DLGAP2: variants seen among roughly 807,000 people sequenced by gnomAD.
DLGAP2 encodes the protein DLG associated protein 2, also known as disks large-associated protein 2.
A neutral mutation model predicts 100.3 loss-of-function variants in DLGAP2; 26 were observed. That is an observed-to-expected ratio of 0.26 (90% confidence interval 0.19 to 0.36). DLGAP2 has a LOEUF of 0.36. Ranked by LOEUF, DLGAP2 falls within the 10% of genes least tolerant of loss-of-function variation. DLGAP2 has a pLI of 1.00. For missense variants in DLGAP2, 1,858 were observed against 1,453.2 expected, an observed-to-expected ratio of 1.28 and a Z score of -4.53; for synonymous variants, 886 against 630.1, an observed-to-expected ratio of 1.41 and a Z score of -6.08.
At chr8:937,162 C>T (rs552895220) in intron 2 of DLGAP2, among the ~76,000 whole-genome samples, 20 of 152,190 alleles carry the variant, frequency 1.3e-4, no homozygotes, top group Admixed American at 2.0e-4. Flanking sequence ...GCTCGCCTGA[C>T]GAGGTGCTGC....
chr8:1,301,649 T>G (rs1290333011), intron 3 of DLGAP2: 1 of 152,256 alleles, frequency 6.6e-6, no homozygotes, highest in Non-Finnish European at 1.5e-5. Flanking sequence ...GGGCCCAACA[T>G]AAGCTTCACG....
chr8:770,702 G>A (rs1324504191), intron 1 of DLGAP2, among the ~76,000 whole-genome samples: 6 of 152,270 alleles, frequency 3.9e-5, no homozygotes, highest in South Asian at 2.1e-4. Context: ...TGATTGCTGG[G>A]CCGGCTGTGG....
intron 6 of DLGAP2, among the ~76,000 whole-genome samples, chr8:1,576,786 A>G (rs1406736709): frequency 6.6e-6 from 1 of 152,100 alleles, no homozygotes; most frequent in Non-Finnish European, 1.5e-5. Context: ...GATGTGTGGT[A>G]TTATTTCTGA....
chr8:1,549,578 G>T lies in DLGAP2; in HGVS notation c.1125G>T (p.Thr375=), dbSNP rs750514879. 1 of 1,612,282 alleles carries T rather than the reference G, an allele frequency of 6.2e-7. No individual in the cohort carries two copies. The highest frequency in any genetic ancestry group is 1.1e-5 in the South Asian group (1 of 90,986). ...AGCGCAGCTCCTGGTCTACGCTGAC[G>T]GTCAGCCAGGCCAAGGAGGCCTACC... is the stretch of plus-strand genomic sequence containing the variant. The part of the protein sequence containing the change: ...YLKRSSWSTL[T]VSQAKEAYRK... The change falls in exon 5 of 15, where the codon ACG becomes ACT. Residue 375 remains threonine, a synonymous_variant. Coordinates refer to ENST00000637795, the MANE Select transcript of DLGAP2 (RefSeq NM_001346810.2).
intron 1 of DLGAP2, among the ~76,000 whole-genome samples, chr8:867,696 C>G (rs1327496032): frequency 1.3e-5 from 2 of 152,156 alleles, no homozygotes; most frequent in Non-Finnish European, 2.9e-5. Flanking sequence ...TGTCACCTGG[C>G]CACCTGTGCT....
chr8:1,630,365 GCT>G (rs1323580776), intron 7 of DLGAP2, among the ~76,000 whole-genome samples: 10 of 152,132 alleles, frequency 6.6e-5, no homozygotes, highest in African/African-American at 2.4e-4. Context: ...ACACTTAGGG[GCT>G]CTGGAGAGAT....
At chr8:1,382,873 A>G (rs746679200) in intron 3 of DLGAP2, among the ~76,000 whole-genome samples, 15 of 152,220 alleles carry the variant, frequency 9.9e-5, no homozygotes, top group Non-Finnish European at 2.1e-4. Context: ...AAAAAGTTCT[A>G]TAGCCAATTA....
chr8:1,191,519 G>C (rs970565363), intron 2 of DLGAP2, among the ~76,000 whole-genome samples: 3 of 152,280 alleles, frequency 2.0e-5, no homozygotes, highest in South Asian at 4.1e-4. Flanking sequence ...AAAGTACTAA[G>C]TAAAACAAGA....
rs1799663754 is a variant in DLGAP2, at chr8:1,704,866, A to T, written c.*3460A>T. 1 of 152,162 alleles carries T rather than the reference A, an allele frequency of 6.6e-6. No homozygotes were observed. 9.4% of individuals were successfully genotyped at this position (152,162 alleles called of 1,614,324 possible). ...GAAAGTGGCCAGGTTTATTATTAGAAGACACAGTGGCAGAGCACACATGTG... is the reference window on the plus strand; with the variant it reads ...GAAAGTGGCCAGGTTTATTATTAGATGACACAGTGGCAGAGCACACATGTG... On this transcript the variant is annotated 3_prime_UTR_variant, in exon 15 of 15. Transcript: ENST00000637795.
At chr8:1,266,990 A>C (rs1799466282) in intron 3 of DLGAP2, among the ~76,000 whole-genome samples, 2 of 152,026 alleles carry the variant, frequency 1.3e-5, no homozygotes, top group Admixed American at 1.3e-4. Flanking sequence ...GCACATTGGG[A>C]GGTCTAGGTG....
At chr8:854,814 T>A (rs1055800570) in intron 1 of DLGAP2, among the ~76,000 whole-genome samples, 1 of 152,160 alleles carries the variant, frequency 6.6e-6, no homozygotes, top group Non-Finnish European at 1.5e-5. Flanking sequence ...AGCTTCAGGA[T>A]GAGGTCCCTG....
chr8:1,641,394 C>T (rs1339939238), intron 8 of DLGAP2, among the ~76,000 whole-genome samples: 1 of 152,186 alleles, frequency 6.6e-6, no homozygotes, highest in East Asian at 1.9e-4. Flanking sequence ...TAAAATCCTC[C>T]TGTCTGCGTA....
At chr8:1,674,276 C>T (rs1467871275) in intron 10 of DLGAP2, among the ~76,000 whole-genome samples, 2 of 152,162 alleles carry the variant, frequency 1.3e-5, no homozygotes, top group Non-Finnish European at 2.9e-5. Flanking sequence ...AACGCCTAGG[C>T]TCAAGTGATC....
rs560745644 is a variant in DLGAP2, at chr8:1,599,651, T to C, written c.1443-27089T>C. ...TGATGCTCTTCTTTGTCTTTTTAGA[T>C]CGTTGTTGACTTAAAATTTGTCTTA... On this transcript the variant is annotated intron_variant, in intron 6 of 14. Transcript: ENST00000637795. Among the ~76,000 whole-genome samples the C allele has an allele frequency of 1.3e-3, 195 of 152,340 alleles. 2 individuals are homozygous for C. Among genetic ancestry groups the C allele is most frequent in the Non-Finnish European group, 2.2e-3 (152 of 68,034 alleles).
chr8:1,158,036 C>A (rs562099919), intron 2 of DLGAP2, among the ~76,000 whole-genome samples: 1 of 152,314 alleles, frequency 6.6e-6, no homozygotes, highest in East Asian at 1.9e-4. Flanking sequence ...AAATCATGGC[C>A]CACCCTAGCT....
At chr8:1,070,894 A>C (rs1259821786) in intron 2 of DLGAP2, among the ~76,000 whole-genome samples, 1 of 152,178 alleles carries the variant, frequency 6.6e-6, no homozygotes. Flanking sequence ...GCCGACAAGC[A>C]CTGAGCACCG....
chr8:946,337 C>T (rs112264426), intron 2 of DLGAP2, among the ~76,000 whole-genome samples: 1 of 151,318 alleles, frequency 6.6e-6, no homozygotes, highest in South Asian at 2.1e-4. Context: ...GATCTGGGCT[C>T]ATTGCAAGCT....
intron 2 of DLGAP2, among the ~76,000 whole-genome samples, chr8:976,273 G>A (rs1158125420): frequency 6.6e-6 from 1 of 152,074 alleles, no homozygotes; most frequent in Non-Finnish European, 1.5e-5. Flanking sequence ...GTGTTGTATT[G>A]GTCAAAAAAT....
chr8:1,530,179 T>C (rs1162612081), intron 4 of DLGAP2, among the ~76,000 whole-genome samples: 1 of 152,174 alleles, frequency 6.6e-6, no homozygotes, highest in African/African-American at 2.4e-5. Flanking sequence ...TATGGGAGAC[T>C]GGGGTCTATT....
Sources: allele counts gnomAD v4.1 joint callset (sites outside exome capture counted in the v4.1 genomes callset), GRCh38; gene constraint gnomAD v4.1.1; transcripts MANE v1.5; gene names NCBI Gene and HGNC (gene_info 2026-07-23, HGNC 2026-07-21).